SATL1: variants seen among roughly 807,000 people sequenced by gnomAD.
SATL1 encodes the protein spermidine/spermine N1-acetyl transferase like 1.
Under a neutral mutation model 51.8 loss-of-function variants are expected in SATL1, and 47 were observed. The ratio of observed to expected loss-of-function variants is 0.91; its 90% CI spans 0.72 to 1.16. The LOEUF (loss-of-function observed/expected upper bound fraction) is 1.16. Ranked by LOEUF, SATL1 falls within the 50% of genes most tolerant of loss-of-function variation. The pLI is 0.00. For missense variants in SATL1, 520 were observed against 526.4 expected, an observed-to-expected ratio of 0.99 and a Z score of 0.12; for synonymous variants, 176 against 182.4, an observed-to-expected ratio of 0.97 and a Z score of 0.28.
At chrX:85,239,030 C>T (rs1293135489) in intron 1 of SATL1, among the ~76,000 whole-genome samples, 1 of 110,219 alleles carries the variant, frequency 9.1e-6, no homozygotes, top group African/African-American at 3.3e-5. Context: ...CAATATTGTG[C>T]CTTTAGTTAA....
chrX:85,228,617 C>A (rs759358589), intron 1 of SATL1, among the ~76,000 whole-genome samples: 145 of 111,485 alleles, frequency 1.3e-3, no homozygotes, highest in African/African-American at 4.5e-3. Flanking sequence ...TCACCAATGA[C>A]CTCAATGTTG....
intron 2 of SATL1, among the ~76,000 whole-genome samples, chrX:85,187,617 C>T (rs763255222): frequency 8.9e-6 from 1 of 111,993 alleles, no homozygotes; most frequent in East Asian, 2.8e-4. Flanking sequence ...TAATATATCA[C>T]ATTTATTGAT....
intron 4 of SATL1, among the ~76,000 whole-genome samples, chrX:85,101,658 C>T (rs1292966214): frequency 3.6e-5 from 4 of 111,722 alleles, no homozygotes; most frequent in African/African-American, 1.3e-4. Context: ...TCATATGATC[C>T]AGCTATTCCA....
At chrX:85,118,537 A>G (rs1017776938) in intron 2 of SATL1, 5 of 74,085 alleles carry the variant, frequency 6.7e-5, no homozygotes, top group African/African-American at 1.7e-4. Flanking sequence ...ACTCCAGAAG[A>G]TTGGAAGACA....
intron 2 of SATL1, among the ~76,000 whole-genome samples, chrX:85,181,201 AT>A (rs1927194981): frequency 4.3e-5 from 3 of 69,148 alleles, no homozygotes; most frequent in Admixed American, 4.2e-4. Context: ...ATATATATAT[AT>A]ACACATATAT....
intron 2 of SATL1, among the ~76,000 whole-genome samples, chrX:85,163,356 A>T (rs899657895): frequency 9.1e-6 from 1 of 110,081 alleles, no homozygotes; most frequent in Non-Finnish European, 1.9e-5. Context: ...GTGAGCTCAG[A>T]TTTTCTATTT....
Position 85,118,087 on chromosome X carries a change from C to CTTTTTTTTTTT in SATL1, c.-312-8818_-312-8808dup, listed in dbSNP as rs747093188. On this transcript the variant is annotated intron_variant, in intron 2 of 7. Coordinates refer to ENST00000644105, the MANE Select transcript of SATL1 (RefSeq NM_001367857.2). The stretch of plus-strand genomic sequence containing the variant: ...TTTTGCAAATAAAAAAAGAACTTAG[C>CTTTTTTTTTTT]TTTTTTTTTTTTTTTTCCAGAGTGC... Among the ~76,000 whole-genome samples, 22 of 46,157 alleles carry CTTTTTTTTTTT rather than the reference C, an allele frequency of 4.8e-4. 4 individuals carry two copies. Among genetic ancestry groups the CTTTTTTTTTTT allele is most frequent in the Non-Finnish European group, 6.7e-4 (14 of 20,841 alleles). 40.1% of individuals were successfully genotyped at this position (46,157 alleles called of 115,157 possible). A position where few individuals can be genotyped will look rare whatever the true frequency, so the allele number is the denominator to read the frequency against.
At chrX:85,096,487 G>GA (rs923273775) in intron 4 of SATL1, among the ~76,000 whole-genome samples, 11 of 111,042 alleles carry the variant, frequency 9.9e-5, no homozygotes, top group Non-Finnish European at 1.9e-4. Flanking sequence ...GAGAGAATTT[G>GA]AAAAAATAGC....
intron 1 of SATL1, among the ~76,000 whole-genome samples, chrX:85,240,877 G>A (rs1928578044): frequency 9.1e-6 from 1 of 109,952 alleles, no homozygotes; most frequent in African/African-American, 3.3e-5. Context: ...GCCCGCCTCG[G>A]CCTCCCAAAG....
chrX:85,124,564 A>G (rs1979812022), intron 2 of SATL1, among the ~76,000 whole-genome samples: 1 of 111,375 alleles, frequency 9.0e-6, no homozygotes, highest in South Asian at 3.7e-4. Context: ...TGTACTTAGC[A>G]CCCATATGTT....
intron 2 of SATL1, among the ~76,000 whole-genome samples, chrX:85,180,778 A>G (rs570330449): frequency 2.7e-5 from 3 of 111,265 alleles, no homozygotes; most frequent in Middle Eastern, 4.6e-3. Context: ...AGCTGCTTCT[A>G]GTTTATAAGC....
chrX:85,123,971 C>T (rs1925563830), intron 2 of SATL1, among the ~76,000 whole-genome samples: 1 of 111,186 alleles, frequency 9.0e-6, no homozygotes, highest in African/African-American at 3.3e-5. Flanking sequence ...ACTTTATATA[C>T]TTCTGTATTT....
At chrX:85,220,644 TAAAAAAA>T (rs57383092) in intron 2 of SATL1, among the ~76,000 whole-genome samples, 5 of 24,156 alleles carry the variant, frequency 2.1e-4, no homozygotes, top group Admixed American at 8.9e-4. Context: ...ACTTCTGTGT[TAAAAAAA>T]AAAAAAAAAA....
intron 2 of SATL1, among the ~76,000 whole-genome samples, chrX:85,183,972 T>C (rs1927261741): frequency 1.8e-5 from 2 of 111,540 alleles, no homozygotes; most frequent in South Asian, 7.6e-4. Context: ...TAACCGTCAT[T>C]CTGCTCTCTA....
intron 2 of SATL1, among the ~76,000 whole-genome samples, chrX:85,159,007 T>C (rs1192174787): frequency 1.8e-5 from 2 of 111,838 alleles, no homozygotes; most frequent in Non-Finnish European, 3.8e-5. Flanking sequence ...AGTATTATTA[T>C]AACTTAATAA....
intron 1 of SATL1, among the ~76,000 whole-genome samples, chrX:85,228,338 T>C (rs770039165): frequency 2.7e-5 from 3 of 111,059 alleles, no homozygotes; most frequent in Non-Finnish European, 3.8e-5. Context: ...TTTTTTCTTA[T>C]CTGCCCTATT....
chrX:85,140,236 T>C (rs1360746711), intron 2 of SATL1, among the ~76,000 whole-genome samples: 1 of 112,304 alleles, frequency 8.9e-6, no homozygotes. Context: ...TGACCACATT[T>C]TGTTCTGAGT....
At chrX:85,101,563 C>G (rs1372235311) in intron 4 of SATL1, among the ~76,000 whole-genome samples, 1 of 111,452 alleles carries the variant, frequency 9.0e-6, no homozygotes, top group East Asian at 2.8e-4. Context: ...AAATTAGAAC[C>G]CTTGTGCTTT....
chrX:85,169,881 T>C (rs1338571118), intron 2 of SATL1, among the ~76,000 whole-genome samples: 1 of 111,491 alleles, frequency 9.0e-6, no homozygotes, highest in Non-Finnish European at 1.9e-5. Flanking sequence ...TAAATGCCCA[T>C]CAATGGTAGA....
Sources: gnomAD v4.1 joint callset for allele counts (sites outside exome capture counted in the v4.1 genomes callset) on GRCh38, gnomAD v4.1.1 for gene constraint, MANE v1.5 for transcripts, NCBI Gene and HGNC (gene_info 2026-07-23, HGNC 2026-07-21) for gene names.